FRMPD3: variants seen among roughly 807,000 people sequenced by gnomAD.
FRMPD3 encodes the protein FERM and PDZ domain containing 3, also known as FERM and PDZ domain-containing protein 3.
Under a neutral mutation model 97.9 loss-of-function variants are expected in FRMPD3, and 42 were observed. The observed-to-expected ratio is 0.43, with a 90% CI of 0.34 to 0.55. The LOEUF (loss-of-function observed/expected upper bound fraction) is 0.55, where lower values mean the gene tolerates loss of function less well. Among genes scored for constraint, FRMPD3 ranks in the 20% least tolerant of loss-of-function variants. The pLI, the probability that FRMPD3 is intolerant of heterozygous loss-of-function variation, is 0.03. For missense variants in FRMPD3, 1,303 were observed against 1,457.7 expected, an observed-to-expected ratio of 0.89 and a Z score of 1.73; for synonymous variants, 577 against 581.1, an observed-to-expected ratio of 0.99 and a Z score of 0.10.
At chrX:107,457,786 C>T (rs1437990146) in intron 1 of FRMPD3, among the ~76,000 whole-genome samples, 3 of 112,076 alleles carry the variant, frequency 2.7e-5, no homozygotes, top group Non-Finnish European at 5.6e-5. Context: ...GAACTACTCT[C>T]AGCTCCATCC....
At chrX:107,531,330 C>A (rs760836799) in intron 3 of FRMPD3, among the ~76,000 whole-genome samples, 1 of 109,394 alleles carries the variant, frequency 9.1e-6, no homozygotes, top group East Asian at 2.9e-4. Context: ...CTCTCACTCT[C>A]CTTTTCTCTC....
intron 5 of FRMPD3, among the ~76,000 whole-genome samples, chrX:107,546,629 C>T (rs1921615734): frequency 8.9e-6 from 1 of 112,073 alleles, no homozygotes; most frequent in South Asian, 3.7e-4. Context: ...AGGTGAAGAG[C>T]AGAAAAGAAG....
intron 6 of FRMPD3, among the ~76,000 whole-genome samples, chrX:107,551,529 A>G (rs780854215): frequency 9.0e-6 from 1 of 111,704 alleles, no homozygotes; most frequent in East Asian, 2.8e-4. Context: ...TCACATCATC[A>G]GCGCCATTGT....
intron 4 of FRMPD3, among the ~76,000 whole-genome samples, chrX:107,534,706 GAC>G (rs987748919): frequency 9.1e-6 from 1 of 110,049 alleles, no homozygotes. Flanking sequence ...CAAACACACT[GAC>G]ACACACACAC....
intron 5 of FRMPD3, among the ~76,000 whole-genome samples, chrX:107,547,184 C>T (rs1407945747): frequency 8.9e-6 from 1 of 111,819 alleles, no homozygotes; most frequent in Non-Finnish European, 1.9e-5. Flanking sequence ...TCCAAGTCAC[C>T]AGGAGGATAT....
At chrX:107,597,252 GACA>G (rs1275289252) in intron 13 of FRMPD3, 66 bp from the exon 14 acceptor site, 7 of 942,970 alleles carry the variant, frequency 7.4e-6, no homozygotes, top group Non-Finnish European at 1.0e-5. Context: ...ATGGGCCAGA[GACA>G]ACAAGGGAGC....
intron 1 of FRMPD3, among the ~76,000 whole-genome samples, chrX:107,507,671 A>G (rs781221751): frequency 8.9e-6 from 1 of 112,563 alleles, no homozygotes; most frequent in African/African-American, 3.2e-5. Context: ...GTGGTGCACC[A>G]ATCACAGAAA....
chrX:107,535,113 G>A (rs1203721397), intron 4 of FRMPD3, among the ~76,000 whole-genome samples: 12 of 112,166 alleles, frequency 1.1e-4, no homozygotes, highest in African/African-American at 1.9e-4. Flanking sequence ...TTACTACTGC[G>A]ATCAGAGACC....
At chrX:107,562,060 G>A (rs1366999407) in intron 10 of FRMPD3, among the ~76,000 whole-genome samples, 2 of 112,448 alleles carry the variant, frequency 1.8e-5, no homozygotes, top group African/African-American at 3.2e-5. Flanking sequence ...GGCCAGAGCT[G>A]GGTCTTGAAA....
chrX:107,549,267 G>A (rs1390628414), intron 5 of FRMPD3, among the ~76,000 whole-genome samples: 4 of 106,017 alleles, frequency 3.8e-5, no homozygotes, highest in African/African-American at 1.4e-4. Flanking sequence ...AGGTTGCAGC[G>A]AGCCGAGATC....
At chrX:107,503,476 G>A (rs938735383) in intron 1 of FRMPD3, among the ~76,000 whole-genome samples, 1 of 112,464 alleles carries the variant, frequency 8.9e-6, no homozygotes, top group South Asian at 3.6e-4. Flanking sequence ...GCAGCAAGAT[G>A]TCCCTGTTCC....
chrX:107,466,611 A>C (rs113539477), intron 1 of FRMPD3, among the ~76,000 whole-genome samples: 2,800 of 112,198 alleles, frequency 0.025, 79 homozygotes, highest in African/African-American at 0.085. Context: ...TGGGACTGAG[A>C]AGGCCTTTGA....
chrX:107,493,663 G>A (rs1921713894), intron 1 of FRMPD3, among the ~76,000 whole-genome samples: 1 of 111,655 alleles, frequency 9.0e-6, no homozygotes, highest in Non-Finnish European at 1.9e-5. Flanking sequence ...TCATTTGGGG[G>A]CATTGTTAAT....
rs763496672 is a variant in FRMPD3 at position 107,604,183 on chromosome X, G to C, written c.*810G>C. 1 of 105,635 alleles carries C rather than the reference G, an allele frequency of 9.5e-6. No individual in the cohort carries two copies. Among genetic ancestry groups the C allele is most frequent in the Non-Finnish European group, 1.9e-5 (1 of 51,329 alleles). The allele number at this position is 105,635 out of a possible 1,213,427, so 8.7% of individuals were successfully genotyped here. A position where few individuals can be genotyped will look rare whatever the true frequency, so the allele number is the denominator to read the frequency against. On this transcript the variant is annotated 3_prime_UTR_variant, in exon 15 of 15. Coordinates refer to ENST00000683843, the MANE Select transcript of FRMPD3 (RefSeq NM_001388459.1). The stretch of plus-strand genomic sequence containing the variant: ...AGCCCGCCTAGCCCGGCCCAGCCCA[G>C]CTCAGGGGCTGTTGCTGCAGGCATG...
At chrX:107,546,566 G>C (rs1219042613) in intron 5 of FRMPD3, among the ~76,000 whole-genome samples, 3 of 112,274 alleles carry the variant, frequency 2.7e-5, no homozygotes, top group African/African-American at 9.7e-5. Flanking sequence ...CACTGCTTTG[G>C]GAGGTTTACA....
At chrX:107,591,165 T>C (rs763911563) in intron 13 of FRMPD3, among the ~76,000 whole-genome samples, 29 of 109,509 alleles carry the variant, frequency 2.6e-4, no homozygotes, top group East Asian at 8.4e-4. Context: ...TTCTTTCTTT[T>C]TTTTTTTTTG....
At chrX:107,466,444 G>A (rs113240782) in intron 1 of FRMPD3, among the ~76,000 whole-genome samples, 2,805 of 112,425 alleles carry the variant, frequency 0.025, 79 homozygotes, top group African/African-American at 0.085. Flanking sequence ...CTGCAGGGCC[G>A]TTTGTGGTCA....
chrX:107,507,542 C>G (rs746481332), intron 1 of FRMPD3, among the ~76,000 whole-genome samples: 1 of 111,910 alleles, frequency 8.9e-6, no homozygotes, highest in Non-Finnish European at 1.9e-5. Context: ...CCCTGCCCCT[C>G]AGCGCCTCTG....
At chrX:107,573,721 A>G (rs1922999285) in intron 12 of FRMPD3, among the ~76,000 whole-genome samples, 1 of 112,502 alleles carries the variant, frequency 8.9e-6, no homozygotes, top group Admixed American at 9.4e-5. Flanking sequence ...GCAGAGTCCA[A>G]ATGCCTTATT....
Sources: allele counts gnomAD v4.1 joint callset (sites outside exome capture counted in the v4.1 genomes callset), GRCh38; gene constraint gnomAD v4.1.1; transcripts MANE v1.5; gene names NCBI Gene and HGNC (gene_info 2026-07-23, HGNC 2026-07-21).